FBRSL1: variants seen among roughly 807,000 people sequenced by gnomAD.
The protein encoded by FBRSL1 is fibrosin-1-like protein.
FBRSL1 carries 51 observed loss-of-function variants against 89.6 expected under a neutral mutation model. That is an observed-to-expected ratio of 0.57 (90% confidence interval 0.45 to 0.72). FBRSL1 has a LOEUF of 0.72. FBRSL1 is among the 30% of genes least tolerant of loss of function. The pLI is 0.00. For synonymous variants in FBRSL1, 779 were observed against 681.1 expected, an observed-to-expected ratio of 1.14 and a Z score of -2.24; for missense variants, 1,618 against 1,451.8, an observed-to-expected ratio of 1.11 and a Z score of -1.86.
At position 132,546,610 on chromosome 12, in the gene FBRSL1, C is replaced by T. The variant is rs2037709206; in HGVS notation, c.616-1393C>T. On this transcript the variant is annotated intron_variant, in intron 4 of 18. Coordinates refer to ENST00000680143, the MANE Select transcript of FBRSL1 (RefSeq NM_001367871.1). The surrounding 1 kb of genome is among the most constrained non-coding windows in gnomAD (Gnocchi z 4.0). ...GCTGAAAGGCCAGACCGGGGGGGAC[C>T]CTAGGAGAGGGCTTGGCCACGGCTG... Among the ~76,000 whole-genome samples, 2 of 152,060 alleles carry T rather than the reference C, an allele frequency of 1.3e-5. No individual in the cohort carries two copies. Among genetic ancestry groups the T allele is most frequent in the South Asian group, 4.1e-4 (2 of 4,832 alleles).
intron 6 of FBRSL1, among the ~76,000 whole-genome samples, chr12:132,568,093 G>T (rs920863698): frequency 6.7e-6 from 1 of 148,452 alleles, no homozygotes; most frequent in Non-Finnish European, 1.5e-5. Context: ...TGAGCTGTGG[G>T]GCGGGGTGTC....
intron 14 of FBRSL1, among the ~76,000 whole-genome samples, chr12:132,574,874 T>G (rs1009378659): frequency 6.6e-6 from 1 of 152,080 alleles, no homozygotes; most frequent in African/African-American, 2.4e-5. Flanking sequence ...GGGGTGCCTC[T>G]GGGGTCCTCT....
intron 2 of FBRSL1, among the ~76,000 whole-genome samples, chr12:132,514,858 C>T (rs2034693885): frequency 1.3e-5 from 2 of 152,208 alleles, no homozygotes; most frequent in Non-Finnish European, 2.9e-5. Flanking sequence ...TATTGCGTTT[C>T]ACTCCATGTA....
chr12:132,523,492 C>T (rs777361682), intron 2 of FBRSL1, among the ~76,000 whole-genome samples: 40 of 152,036 alleles, frequency 2.6e-4, no homozygotes, highest in Non-Finnish European at 3.4e-4. Flanking sequence ...CAGCCCTGAC[C>T]GGAGGTGGCT....
intron 2 of FBRSL1, among the ~76,000 whole-genome samples, chr12:132,519,279 G>A (rs1193160424): frequency 1.3e-5 from 2 of 152,252 alleles, no homozygotes; most frequent in Non-Finnish European, 2.9e-5. Flanking sequence ...GGGACTGTGG[G>A]AGCCTGGAGG....
At chr12:132,571,292 C>G (rs770873432) in intron 9 of FBRSL1, 61 bp downstream of exon 9, 10 of 1,516,916 alleles carry the variant, frequency 6.6e-6, no homozygotes, top group Non-Finnish European at 8.9e-6. Context: ...GTCTCTCTCT[C>G]TTTTTCTCTT....
chr12:132,564,125 G>A (rs539844265), intron 5 of FBRSL1, among the ~76,000 whole-genome samples: 1 of 152,338 alleles, frequency 6.6e-6, no homozygotes, highest in East Asian at 1.9e-4. Flanking sequence ...AATTCCATAT[G>A]TGGCTGAGGC....
chr12:132,530,746 A>AGGGGGGGGGGGGGGGGGGGGGGG (rs2036196179), intron 4 of FBRSL1, among the ~76,000 whole-genome samples: 1 of 7,704 alleles, frequency 1.3e-4, no homozygotes, highest in African/African-American at 5.3e-4. Context: ...GGGGAGGGGG[A>AGGGGGGGGGGGGGGGGGGGGGGG]AGGGGGGAGG....
chr12:132,581,618 GC>G, intron 16 of FBRSL1, 102 bp downstream of exon 16: 1 of 1,485,684 alleles, frequency 6.7e-7, no homozygotes, highest in Non-Finnish European at 9.2e-7. Flanking sequence ...GCCCCAGGGA[GC>G]CCCTTGGGTC....
intron 17 of FBRSL1, 85 bp downstream of exon 17, chr12:132,581,909 G>A (rs2040780816): frequency 4.1e-5 from 56 of 1,368,174 alleles, no homozygotes; most frequent in Non-Finnish European, 4.8e-5. Flanking sequence ...CCCGATGCCT[G>A]GCTGACCTCC....
intron 4 of FBRSL1, among the ~76,000 whole-genome samples, chr12:132,541,009 C>G (rs1421287702): frequency 1.3e-5 from 2 of 152,076 alleles, no homozygotes; most frequent in Non-Finnish European, 2.9e-5. Context: ...ACGTCAGGTG[C>G]AAATCCACTG....
At chr12:132,527,804 G>A (rs1428438332) in intron 3 of FBRSL1, 149 bp from the exon 4 acceptor site, 28 of 752,192 alleles carry the variant, frequency 3.7e-5, no homozygotes, top group Admixed American at 1.0e-4. Flanking sequence ...TGAGGGCTTC[G>A]GGTCTGTGGA....
rs147984212 is a variant in FBRSL1, at chr12:132,511,593, A to G, written c.489+3243A>G. The G allele has an allele frequency of 3.6e-4, 352 of 985,582 alleles. 1 individual carries two copies. The African/African-American group carries it at 6.0e-3, about 17-fold the overall frequency. 61.1% of individuals were successfully genotyped at this position (985,582 alleles called of 1,614,324 possible). A position where few individuals can be genotyped will look rare whatever the true frequency, so the allele number is the denominator to read the frequency against. ...TCTAACCAGTGGTCCTCCAGAGAGCAGCGTTGACCACCTGGACCCCTGCGC... is the reference window on the plus strand; with the variant it reads ...TCTAACCAGTGGTCCTCCAGAGAGCGGCGTTGACCACCTGGACCCCTGCGC... On this transcript the variant is annotated intron_variant, in intron 2 of 18. Transcript: ENST00000680143.
At chr12:132,575,605 G>C (rs534266310) in intron 14 of FBRSL1, among the ~76,000 whole-genome samples, 5 of 152,276 alleles carry the variant, frequency 3.3e-5, no homozygotes, top group African/African-American at 1.2e-4. Flanking sequence ...TGCTCCTGGT[G>C]GGGGGCCGTC....
chr12:132,563,926 C>G (rs1475139895), intron 5 of FBRSL1, among the ~76,000 whole-genome samples: 3 of 141,940 alleles, frequency 2.1e-5, no homozygotes, highest in African/African-American at 8.5e-5. Flanking sequence ...CTGCACCCCT[C>G]CAGCTGACAC....
intron 3 of FBRSL1, among the ~76,000 whole-genome samples, chr12:132,527,242 A>G (rs557323799): frequency 6.6e-6 from 1 of 152,264 alleles, no homozygotes; most frequent in Admixed American, 6.5e-5. Context: ...GTGGGCACGG[A>G]GGGAGGTCAG....
At chr12:132,530,140 C>T (rs1013538350) in intron 4 of FBRSL1, among the ~76,000 whole-genome samples, 1 of 151,862 alleles carries the variant, frequency 6.6e-6, no homozygotes, top group Non-Finnish European at 1.5e-5. Context: ...AGTATGATGA[C>T]GCTCCTCCGC....
intron 2 of FBRSL1, among the ~76,000 whole-genome samples, chr12:132,524,639 G>A (rs1479364250): frequency 3.3e-5 from 5 of 152,276 alleles, no homozygotes; most frequent in Middle Eastern, 3.4e-3. Flanking sequence ...CCTGGCATGC[G>A]AGGCCTGGGG....
intron 4 of FBRSL1, among the ~76,000 whole-genome samples, chr12:132,547,547 C>A (rs959107709): frequency 6.6e-6 from 1 of 151,908 alleles, no homozygotes; most frequent in African/African-American, 2.4e-5. Flanking sequence ...GCCTGGATCT[C>A]CCAGCCCATG....
Sources: gnomAD v4.1 joint callset for allele counts (sites outside exome capture counted in the v4.1 genomes callset) on GRCh38, gnomAD v4.1.1 for gene constraint, Gnocchi (gnomAD v3.1) non-coding constraint, MANE v1.5 for transcripts, NCBI Gene and HGNC (gene_info 2026-07-23, HGNC 2026-07-21) for gene names.